Variants in RHOU observed in about 807,000 individuals in gnomAD.
RHOU encodes the protein ras homolog family member U, also known as rho-related GTP-binding protein RhoU.
In RHOU, 8 loss-of-function variants were observed where a neutral mutation model predicts 12.6. The observed-to-expected ratio is 0.64, with a 90% CI of 0.37 to 1.15. The LOEUF (loss-of-function observed/expected upper bound fraction) is 1.15. Ranked by LOEUF, RHOU falls within the 50% of genes most tolerant of loss-of-function variation. The pLI is 0.01. For missense variants in RHOU, 258 were observed against 347.0 expected (o/e 0.74, Z 2.04); for synonymous variants, 161 against 147.4 (o/e 1.09, Z -0.67).
chr1:228,714,030 T>C, the RHOU span, among the ~76,000 whole-genome samples: 1 of 152,168 alleles, frequency 6.6e-6, no homozygotes, highest in African/African-American at 2.4e-5. Context: ...TGTTAAATAT[T>C]ATAAAAGGTT....
chr1:228,666,017 G>T, the RHOU span, among the ~76,000 whole-genome samples: 1 of 152,056 alleles, frequency 6.6e-6, no homozygotes, highest in Non-Finnish European at 1.5e-5. Context: ...GAGTGCAGTG[G>T]TGTGATCTCG....
At chr1:228,708,531 A>G in the RHOU span, among the ~76,000 whole-genome samples, 42 of 151,848 alleles carry the variant, frequency 2.8e-4, no homozygotes, top group African/African-American at 1.0e-3. Context: ...AGAATTTTCA[A>G]CCCAGAATTT....
At chr1:228,741,244 T>G (rs1662716388) in intron 2 of RHOU, among the ~76,000 whole-genome samples, 1 of 152,196 alleles carries the variant, frequency 6.6e-6, no homozygotes, top group African/African-American at 2.4e-5. Context: ...GAACGCCTTT[T>G]CTTAAGGGTG....
the RHOU span, among the ~76,000 whole-genome samples, chr1:228,682,985 G>A: frequency 2.0e-5 from 3 of 152,150 alleles, no homozygotes; most frequent in Admixed American, 6.5e-5. Context: ...GCAGCCCCAT[G>A]AGCCCCATAC....
At chr1:228,647,338 G>C in the RHOU span, among the ~76,000 whole-genome samples, 2 of 152,236 alleles carry the variant, frequency 1.3e-5, no homozygotes, top group African/African-American at 2.4e-5. Flanking sequence ...TTTGCAGAGT[G>C]CGCCCGCCCT....
At position 228,745,545 on chromosome 1, in the gene RHOU, G is replaced by T. The variant is rs1227062811; in HGVS notation, c.*1805G>T. ...TAACAAATTTCTTTGTTTAACAAAA[G>T]ATTAATCTTTAAACCACTAAAATAC... On this transcript the variant is annotated 3_prime_UTR_variant, in exon 3 of 3. Transcript: ENST00000366691. 2.0e-5 allele frequency: 3 copies of T among 152,168 alleles called. No individual in the cohort carries two copies. The highest frequency in any genetic ancestry group is 7.2e-5 in the African/African-American group (3 of 41,436). 9.4% of individuals were successfully genotyped at this position (152,168 alleles called of 1,614,324 possible).
At chr1:228,658,161 T>C in the RHOU span, among the ~76,000 whole-genome samples, 2 of 151,700 alleles carry the variant, frequency 1.3e-5, no homozygotes, top group South Asian at 4.2e-4. Context: ...AGGCCTGTAG[T>C]CCAAGCTACT....
the RHOU span, among the ~76,000 whole-genome samples, chr1:228,674,791 C>T: frequency 2.5e-4 from 38 of 151,380 alleles, no homozygotes; most frequent in African/African-American, 9.0e-4. Flanking sequence ...AGTGCAGTGG[C>T]GCGACCTCGG....
chr1:228,704,932 C>T, the RHOU span, among the ~76,000 whole-genome samples: 1 of 152,130 alleles, frequency 6.6e-6, no homozygotes, highest in Admixed American at 6.5e-5. Context: ...TCCCAAGTAG[C>T]TGAGACTGCA....
the RHOU span, among the ~76,000 whole-genome samples, chr1:228,689,739 T>C: frequency 2.6e-5 from 4 of 151,750 alleles, no homozygotes; most frequent in African/African-American, 9.7e-5. Context: ...GGGTGCTGGC[T>C]CTTAATGATA....
At chr1:228,697,885 A>C in the RHOU span, among the ~76,000 whole-genome samples, 1 of 152,188 alleles carries the variant, frequency 6.6e-6, no homozygotes, top group African/African-American at 2.4e-5. Flanking sequence ...TTGTCACTGT[A>C]TCCTTAGGAA....
the RHOU span, among the ~76,000 whole-genome samples, chr1:228,686,120 GT>G: frequency 6.6e-6 from 1 of 152,100 alleles, no homozygotes; most frequent in Non-Finnish European, 1.5e-5. Context: ...TTATATTTGA[GT>G]TTTAGTTATA....
At chr1:228,687,020 G>A in the RHOU span, among the ~76,000 whole-genome samples, 10 of 152,032 alleles carry the variant, frequency 6.6e-5, no homozygotes, top group Non-Finnish European at 1.3e-4. Flanking sequence ...GATTACATGC[G>A]TGAGCCACCG....
the RHOU span, among the ~76,000 whole-genome samples, chr1:228,648,975 C>T: frequency 1.1e-4 from 17 of 152,176 alleles, no homozygotes; most frequent in African/African-American, 4.1e-4. Flanking sequence ...GCCATTCTCT[C>T]GCCTCAGCCT....
chr1:228,740,518 T>A (rs540860186), intron 2 of RHOU, among the ~76,000 whole-genome samples: 21 of 152,356 alleles, frequency 1.4e-4, no homozygotes, highest in Middle Eastern at 6.8e-3. Context: ...TAAATTAGTC[T>A]TTGTTTAGAC....
chr1:228,665,166 A>G, the RHOU span, among the ~76,000 whole-genome samples: 16 of 152,232 alleles, frequency 1.1e-4, no homozygotes, highest in Non-Finnish European at 2.2e-4. Flanking sequence ...CTATGTTTTT[A>G]TTGAAGTAAA....
chr1:228,684,066 C>T, the RHOU span, among the ~76,000 whole-genome samples: 1 of 152,234 alleles, frequency 6.6e-6, no homozygotes, highest in Non-Finnish European at 1.5e-5. Flanking sequence ...GAGACGGAGT[C>T]TTGCTCTGTC....
chr1:228,686,623 A>G, the RHOU span, among the ~76,000 whole-genome samples: 1 of 152,176 alleles, frequency 6.6e-6, no homozygotes, highest in Admixed American at 6.5e-5. Context: ...TGCAAAACTC[A>G]TTGCGGTTTT....
chr1:228,716,770 A>G, the RHOU span, among the ~76,000 whole-genome samples: 1 of 99,240 alleles, frequency 1.0e-5, no homozygotes, highest in Non-Finnish European at 2.0e-5. Context: ...ATGTATGTAT[A>G]TTCCAGATTA....
Sources: gnomAD v4.1 joint callset for allele counts (sites outside exome capture counted in the v4.1 genomes callset) on GRCh38, gnomAD v4.1.1 for gene constraint, MANE v1.5 for transcripts, NCBI Gene and HGNC (gene_info 2026-07-23, HGNC 2026-07-21) for gene names.